Variants in GUCY1A1 observed in about 807,000 individuals in gnomAD.
GUCY1A1 encodes guanylate cyclase soluble subunit alpha-1.
Under a neutral mutation model 64.5 loss-of-function variants are expected in GUCY1A1, and 48 were observed. The observed-to-expected ratio is 0.74, with a 90% CI of 0.59 to 0.95. The LOEUF is 0.95. Among genes scored for constraint, GUCY1A1 ranks in the 40% least tolerant of loss-of-function variants. The probability of loss-of-function intolerance (pLI) is 0.00; values close to 1 mark genes in which losing one functional copy is unlikely to be tolerated. For synonymous variants in GUCY1A1, 308 were observed against 303.4 expected, an observed-to-expected ratio of 1.02 and a Z score of -0.16; for missense variants, 804 against 825.3, an observed-to-expected ratio of 0.97 and a Z score of 0.32.
intron 2 of GUCY1A1, among the ~76,000 whole-genome samples, chr4:155,691,748 CT>C (rs1228303014): frequency 3.3e-5 from 5 of 152,164 alleles, no homozygotes; most frequent in African/African-American, 1.2e-4. Context: ...AATTTTTAGG[CT>C]TGCCTCTTCC....
intron 2 of GUCY1A1, among the ~76,000 whole-genome samples, chr4:155,695,069 G>T (rs1730242141): frequency 6.6e-6 from 1 of 152,086 alleles, no homozygotes; most frequent in South Asian, 2.1e-4. Flanking sequence ...GTCCCTTCTT[G>T]AAGTTCCATA....
At chr4:155,709,742 A>C (rs1732296258) in intron 5 of GUCY1A1, among the ~76,000 whole-genome samples, 1 of 152,156 alleles carries the variant, frequency 6.6e-6, no homozygotes, top group African/African-American at 2.4e-5. Flanking sequence ...GTGAGGCATA[A>C]GAATCACCTA....
rs144667045 is a variant in GUCY1A1, at chr4:155,733,420, G to A, written c.*3189G>A. ...CAGTTACCTGGGATGAGTTGGGAGG[G>A]AGGAGAATAAGGACAAAAGACCATC... On this transcript the variant is annotated 3_prime_UTR_variant, in exon 10 of 10. Transcript: ENST00000506455. Among the ~76,000 whole-genome samples the A allele has an allele frequency of 9.2e-5, 14 of 151,860 alleles. No individual in the cohort carries two copies. The East Asian group carries it at 2.7e-3, about 30-fold the overall frequency.
intron 9 of GUCY1A1, among the ~76,000 whole-genome samples, chr4:155,725,805 T>G (rs1182088667): frequency 6.6e-6 from 1 of 152,048 alleles, no homozygotes; most frequent in Non-Finnish European, 1.5e-5. Context: ...GCTCATGACT[T>G]AAGTCTTAGA....
intron 2 of GUCY1A1, among the ~76,000 whole-genome samples, chr4:155,677,466 G>T (rs1343568747): frequency 6.6e-6 from 1 of 152,112 alleles, no homozygotes; most frequent in Non-Finnish European, 1.5e-5. Flanking sequence ...ATAGCTATAA[G>T]CTCACAATGG....
At chr4:155,676,519 C>G (rs1254383841) in intron 2 of GUCY1A1, among the ~76,000 whole-genome samples, 2 of 151,412 alleles carry the variant, frequency 1.3e-5, no homozygotes, top group African/African-American at 4.9e-5. Flanking sequence ...CTATTTTGTA[C>G]ACAGTGAAAA....
chr4:155,708,199 T>C, intron 4 of GUCY1A1, 37 bp from the exon 5 acceptor site: 1 of 984,164 alleles, frequency 1.0e-6, no homozygotes, highest in Non-Finnish European at 1.6e-6. Context: ...AGCATGTATT[T>C]ATAAGTTTAT....
chr4:155,681,588 C>A (rs1402723052), intron 2 of GUCY1A1, among the ~76,000 whole-genome samples: 1 of 152,210 alleles, frequency 6.6e-6, no homozygotes, highest in Non-Finnish European at 1.5e-5. Context: ...TCCTTACCCT[C>A]TTCAGACTTG....
chr4:155,732,322 T>C lies in GUCY1A1; in HGVS notation c.*2091T>C, dbSNP rs1735646552. The C allele has an allele frequency of 6.6e-6, 1 of 151,854 alleles. No individual in the cohort carries two copies. The highest frequency in any genetic ancestry group is 2.4e-5 in the African/African-American group (1 of 41,406). The allele number at this position is 151,854 out of a possible 1,614,324, so 9.4% of individuals were successfully genotyped here. On this transcript the variant is annotated 3_prime_UTR_variant, in exon 10 of 10. Transcript: ENST00000506455. Reference sequence around the variant, plus strand: ...ACTTTTCTATAAACGTGGCATTATATCTAAATAAAAAATTACCAAAAAACA... The same window carrying C: ...ACTTTTCTATAAACGTGGCATTATACCTAAATAAAAAATTACCAAAAAACA...
At chr4:155,717,052 G>T (rs1243534435) in intron 7 of GUCY1A1, 107 bp from the exon 8 acceptor site, 1 of 768,048 alleles carries the variant, frequency 1.3e-6, no homozygotes, top group Non-Finnish European at 2.0e-6. Flanking sequence ...CCTCCAGAAG[G>T]CCTGAGCAAT....
At chr4:155,701,585 G>C (rs1731088017) in intron 3 of GUCY1A1, among the ~76,000 whole-genome samples, 1 of 152,126 alleles carries the variant, frequency 6.6e-6, no homozygotes, top group Non-Finnish European at 1.5e-5. Context: ...GGAAGAGGAA[G>C]AAGAAAGCAT....
At chr4:155,675,352 T>A (rs1019401445) in intron 2 of GUCY1A1, among the ~76,000 whole-genome samples, 10 of 151,638 alleles carry the variant, frequency 6.6e-5, no homozygotes, top group Non-Finnish European at 4.4e-5. Flanking sequence ...ATATGAAGTA[T>A]TTAGAGAGTT....
At chr4:155,726,695 G>A (rs1478682277) in intron 9 of GUCY1A1, among the ~76,000 whole-genome samples, 1 of 151,918 alleles carries the variant, frequency 6.6e-6, no homozygotes, top group Admixed American at 6.6e-5. Flanking sequence ...GATTCAGAAT[G>A]TAGCAGTGTA....
intron 3 of GUCY1A1, among the ~76,000 whole-genome samples, chr4:155,702,521 A>G (rs1731222877): frequency 1.3e-5 from 2 of 152,204 alleles, no homozygotes; most frequent in East Asian, 3.8e-4. Context: ...ATGTTTCTCA[A>G]CTGCCCTTTG....
rs185617137 is a variant in GUCY1A1, at chr4:155,710,660, C to T, written c.495C>T (p.Ser165=). Reference sequence around the variant, plus strand: ...GCACCCTTAAAGATTTTTTAAACAGCTTCAGTACCCTTCTGAAACAGAGCA... The same window carrying T: ...GCACCCTTAAAGATTTTTTAAACAGTTTCAGTACCCTTCTGAAACAGAGCA... The part of the protein sequence containing the change: ...VGGTLKDFLN[S]FSTLLKQSSH... The change falls in exon 6 of 10, where the codon AGC becomes AGT. Residue 165 remains serine, a synonymous_variant. Coordinates refer to ENST00000506455, the MANE Select transcript of GUCY1A1 (RefSeq NM_001130682.3). The T allele has an allele frequency of 1.2e-5, 20 of 1,613,610 alleles. No homozygotes were observed. In the East Asian group the frequency reaches 4.0e-4, roughly 32 times the overall value.
chr4:155,725,051 T>G (rs1238940102), intron 9 of GUCY1A1, among the ~76,000 whole-genome samples: 1 of 152,074 alleles, frequency 6.6e-6, no homozygotes, highest in Non-Finnish European at 1.5e-5. Context: ...ATCATAACTA[T>G]AGCAACAACC....
intron 2 of GUCY1A1, among the ~76,000 whole-genome samples, chr4:155,671,934 A>G (rs1308782801): frequency 1.3e-5 from 2 of 152,006 alleles, no homozygotes; most frequent in Admixed American, 6.6e-5. Flanking sequence ...AGTTTAACAT[A>G]GAGGACTGTC....
At chr4:155,672,308 A>G (rs925825572) in intron 2 of GUCY1A1, among the ~76,000 whole-genome samples, 1 of 152,170 alleles carries the variant, frequency 6.6e-6, no homozygotes. Flanking sequence ...CCAAGTAACT[A>G]TCTACAATGC....
At chr4:155,703,668 C>T (rs1316592495) in intron 3 of GUCY1A1, among the ~76,000 whole-genome samples, 3 of 152,184 alleles carry the variant, frequency 2.0e-5, no homozygotes, top group Non-Finnish European at 4.4e-5. Context: ...GTCAGTGAGA[C>T]CACCACCAAA....
Sources: gnomAD v4.1 joint callset for allele counts (sites outside exome capture counted in the v4.1 genomes callset) on GRCh38, gnomAD v4.1.1 for gene constraint, MANE v1.5 for transcripts, NCBI Gene and HGNC (gene_info 2026-07-23, HGNC 2026-07-21) for gene names.